The following CHD7 variants were observed in gnomAD, a reference collection of about 807,000 sequenced individuals.
CHD7 encodes the protein ATP-dependent chromatin remodeler CHD7.
CHD7 carries 24 observed loss-of-function variants against 307.3 expected under a neutral mutation model. That is an observed-to-expected ratio of 0.08 (90% CI 0.06 to 0.11). The LOEUF is 0.11. Among genes scored for constraint, CHD7 ranks in the 10% least tolerant of loss-of-function variants. The pLI, the probability that CHD7 is intolerant of heterozygous loss-of-function variation, is 1.00. For missense variants in CHD7, 3,106 were observed against 3,727.1 expected, an observed-to-expected ratio of 0.83 and a Z score of 4.34; for synonymous variants, 1,363 against 1,349.9, an observed-to-expected ratio of 1.01 and a Z score of -0.21.
intron 1 of CHD7, among the ~76,000 whole-genome samples, chr8:60,709,157 A>G (rs1807162821): frequency 6.6e-6 from 1 of 152,166 alleles, no homozygotes; most frequent in Non-Finnish European, 1.5e-5. Flanking sequence ...GTATTTTCCT[A>G]TTAAAGGGTT....
chr8:60,767,254 G>A (rs1810514783), intron 2 of CHD7, among the ~76,000 whole-genome samples: 1 of 152,198 alleles, frequency 6.6e-6, no homozygotes, highest in Admixed American at 6.5e-5. Context: ...CTCTTTCAAG[G>A]ATTCTGCTCT....
intron 3 of CHD7, among the ~76,000 whole-genome samples, chr8:60,789,811 T>C (rs1811683322): frequency 2.0e-5 from 3 of 152,268 alleles, no homozygotes; most frequent in Admixed American, 6.5e-5. Context: ...CTTACAGTTG[T>C]AAGCTGAACA....
intron 3 of CHD7, among the ~76,000 whole-genome samples, chr8:60,790,894 C>A (rs1811745118): frequency 6.6e-6 from 1 of 152,034 alleles, no homozygotes; most frequent in Non-Finnish European, 1.5e-5. Flanking sequence ...CTGATCTAGA[C>A]CATGGTGATT....
At chr8:60,695,282 A>C (rs1260992772) in intron 1 of CHD7, among the ~76,000 whole-genome samples, 4 of 152,254 alleles carry the variant, frequency 2.6e-5, no homozygotes, top group Non-Finnish European at 4.4e-5. Context: ...GAAAATAGGT[A>C]TCTAACATTT....
intron 2 of CHD7, among the ~76,000 whole-genome samples, chr8:60,744,908 C>T (rs1254434448): frequency 2.0e-5 from 3 of 150,120 alleles, no homozygotes; most frequent in Non-Finnish European, 4.4e-5. Flanking sequence ...GCATTTAATA[C>T]AGAGGCTCTG....
At chr8:60,680,757 G>T (rs1805584768) in intron 1 of CHD7, among the ~76,000 whole-genome samples, 1 of 152,102 alleles carries the variant, frequency 6.6e-6, no homozygotes. Context: ...AACCCACATG[G>T]AGAGAGTTTC....
At chr8:60,793,941 G>A (rs1239048901) in intron 3 of CHD7, among the ~76,000 whole-genome samples, 3 of 152,126 alleles carry the variant, frequency 2.0e-5, no homozygotes, top group Non-Finnish European at 4.4e-5. Flanking sequence ...TGACCAACAT[G>A]GTGAAAGCCC....
chr8:60,700,287 A>C (rs1000963930), intron 1 of CHD7, among the ~76,000 whole-genome samples: 2 of 152,172 alleles, frequency 1.3e-5, no homozygotes, highest in Admixed American at 6.5e-5. Flanking sequence ...CACCTTCACA[A>C]AATGTTAGAA....
At chr8:60,789,619 G>A (rs1158735254) in intron 3 of CHD7, among the ~76,000 whole-genome samples, 3 of 152,168 alleles carry the variant, frequency 2.0e-5, no homozygotes, top group Admixed American at 6.5e-5. Flanking sequence ...CTATTAGGCC[G>A]ACACTAATCA....
intron 4 of CHD7, among the ~76,000 whole-genome samples, chr8:60,797,803 AG>A (rs1812101761): frequency 6.6e-6 from 1 of 152,222 alleles, no homozygotes; most frequent in South Asian, 2.1e-4. Context: ...TCCAGAAGTG[AG>A]GAATGGTAAA....
At chr8:60,847,062 A>G (rs1805240657) in intron 23 of CHD7, among the ~76,000 whole-genome samples, 2 of 152,222 alleles carry the variant, frequency 1.3e-5, no homozygotes, top group African/African-American at 4.8e-5. Flanking sequence ...TGGTACAGTC[A>G]ATGTTTAATC....
At chr8:60,696,367 C>T (rs951815924) in intron 1 of CHD7, among the ~76,000 whole-genome samples, 1 of 152,138 alleles carries the variant, frequency 6.6e-6, no homozygotes, top group Non-Finnish European at 1.5e-5. Context: ...TTTGAATCTG[C>T]CTGACCGCTT....
rs143141190 is a variant in CHD7, at chr8:60,731,635, A to G, written c.-174-9624A>G. On this transcript the variant is annotated intron_variant, in intron 1 of 37. Transcript: ENST00000423902. ...CTGTTAACTCTGTATTTCAGCCTTA[A>G]TTCCATCTCCTTTGTCAAATATAAC... Among the ~76,000 whole-genome samples the G allele has an allele frequency of 4.7e-3, 710 of 152,346 alleles. 13 individuals carry two copies. Among genetic ancestry groups the G allele is most frequent in the Non-Finnish European group, 1.0e-3 (69 of 68,028 alleles).
chr8:60,843,602 G>A (rs987464199), intron 21 of CHD7, among the ~76,000 whole-genome samples: 1 of 152,190 alleles, frequency 6.6e-6, no homozygotes, highest in African/African-American at 2.4e-5. Context: ...TAGAAGTGGT[G>A]CAGACTGTGA....
intron 2 of CHD7, among the ~76,000 whole-genome samples, chr8:60,762,902 G>A (rs7823484): frequency 0.78 from 117,983 of 151,940 alleles, 46,083 homozygotes; most frequent in East Asian, 0.94. Context: ...GCTGGAGGAC[G>A]TGTCTTCAGG....
chr8:60,739,956 AAG>A (rs1808910310), intron 1 of CHD7, among the ~76,000 whole-genome samples: 1 of 152,218 alleles, frequency 6.6e-6, no homozygotes, highest in African/African-American at 2.4e-5. Context: ...GTCCTTATAA[AAG>A]AGAAAAAAAT....
intron 12 of CHD7, among the ~76,000 whole-genome samples, chr8:60,823,493 G>A (rs1804138050): frequency 1.3e-5 from 2 of 152,032 alleles, no homozygotes; most frequent in Admixed American, 1.3e-4. Flanking sequence ...AATAACTAAA[G>A]GAGAAAAAAT....
At chr8:60,687,356 A>G (rs1463220248) in intron 1 of CHD7, among the ~76,000 whole-genome samples, 2 of 152,218 alleles carry the variant, frequency 1.3e-5, no homozygotes, top group African/African-American at 2.4e-5. Flanking sequence ...GAGCCTAGCA[A>G]TTATTTATGG....
intron 23 of CHD7, among the ~76,000 whole-genome samples, chr8:60,847,483 C>A (rs1486032702): frequency 1.3e-5 from 2 of 152,154 alleles, no homozygotes; most frequent in African/African-American, 4.8e-5. Flanking sequence ...ATCAAAAGGG[C>A]TAGTATAAGT....
Sources: gnomAD v4.1 joint callset for allele counts (sites outside exome capture counted in the v4.1 genomes callset) on GRCh38, gnomAD v4.1.1 for gene constraint, MANE v1.5 for transcripts, NCBI Gene and HGNC (gene_info 2026-07-23, HGNC 2026-07-21) for gene names.